Variants in CIZ1 observed in about 807,000 individuals in gnomAD.
CIZ1 encodes CDKN1A interacting zinc finger protein 1.
In CIZ1, 58 loss-of-function variants were observed where a neutral mutation model predicts 118.6. That is an observed-to-expected ratio of 0.49 (90% confidence interval 0.40 to 0.61). CIZ1 has a LOEUF of 0.61. Ranked by LOEUF, CIZ1 falls within the 20% of genes least tolerant of loss-of-function variation. The pLI, the probability that CIZ1 is intolerant of heterozygous loss-of-function variation, is 0.00. For missense variants in CIZ1, 921 were observed against 1,115.9 expected (o/e 0.83, Z 2.49); for synonymous variants, 448 against 443.4 (o/e 1.01, Z -0.13).
rs1487171973 is a variant in CIZ1, at chr9:128,203,170, T to C, written c.-6+1016A>G. On this transcript the variant is annotated intron_variant, in intron 1 of 17. Coordinates refer to the CIZ1 transcript ENST00000372948. The surrounding 1 kb of genome is among the most constrained non-coding windows in gnomAD (Gnocchi z 5.3). ...GTACTAGGAGTGAGACCCAACCCAT[T>C]GACAAATATATTCTGCGCAGCATCC... Among the ~76,000 whole-genome samples, 1 of 152,042 alleles carries C rather than the reference T, an allele frequency of 6.6e-6. No individual in the cohort carries two copies. The highest frequency in any genetic ancestry group is 1.5e-5 in the Non-Finnish European group (1 of 67,986).
chr9:128,180,698 G>C lies in CIZ1; in HGVS notation c.682+23C>G, dbSNP rs558532463. On this transcript the variant is annotated intron_variant, in intron 6 of 16. Transcript: ENST00000372938. ...CCACCCCATTCATGTCCCTCTGAAG[G>C]GCCAGCAGCCTCCCTCCCTCACCTT... The C allele has an allele frequency of 8.3e-6, 13 of 1,567,966 alleles. No homozygotes were observed. In the South Asian group the frequency reaches 1.5e-4, roughly 17 times the overall value.
At chr9:128,172,397 G>T (rs1812655630) in intron 11 of CIZ1, among the ~76,000 whole-genome samples, 1 of 152,064 alleles carries the variant, frequency 6.6e-6, no homozygotes, top group African/African-American at 2.4e-5. Flanking sequence ...AGGAGGCTGA[G>T]GCGGGAGAAT....
At chr9:128,177,502 G>T (rs1831007468) in intron 10 of CIZ1, 64 bp downstream of exon 10, 1 of 1,169,086 alleles carries the variant, frequency 8.6e-7, no homozygotes, top group Non-Finnish European at 1.1e-6. Flanking sequence ...GCATTCTTGG[G>T]AGGGCAGGCT....
intron 5 of CIZ1, 51 bp downstream of exon 5, chr9:128,185,496 C>G: frequency 7.9e-7 from 1 of 1,271,414 alleles, no homozygotes; most frequent in Non-Finnish European, 1.1e-6. Context: ...GGCACTGGGG[C>G]TGACACCCAG....
chr9:128,194,659 A>C (rs181271566), upstream of CIZ1, among the ~76,000 whole-genome samples: 2 of 152,160 alleles, frequency 1.3e-5, no homozygotes, highest in East Asian at 3.9e-4. Context: ...TCTACTAAAA[A>C]TACAAAAAAT....
rs1433077163 is a variant in CIZ1 at position 128,173,302 on chromosome 9, G to A, written c.1943+3049C>T. On this transcript the variant is annotated intron_variant, in intron 11 of 16. Transcript: ENST00000372938. ...TGGGACTACAGGCGCCTGCCACCAC[G>A]CCCGGCTAATTTTTTGTATTTTTTA... is the stretch of plus-strand genomic sequence containing the variant. 2.6e-5 allele frequency among the ~76,000 whole-genome samples: 4 copies of A among 151,884 alleles called. 1 individual carries two copies. Among genetic ancestry groups the A allele is most frequent in the South Asian group, 2.1e-4 (1 of 4,818 alleles).
intron 11 of CIZ1, among the ~76,000 whole-genome samples, chr9:128,173,733 A>G (rs755023823): frequency 2.9e-4 from 43 of 150,792 alleles, no homozygotes; most frequent in Admixed American, 7.3e-4. Context: ...CGGGCCGGGC[A>G]TGGTGGCTTG....
In CIZ1 at chr9:128,166,219, C is replaced by T. The variant is rs1375541849; in HGVS notation, c.2675G>A (p.Arg892His). The change falls in exon 17 of 17, where the codon CGC (arginine) becomes CAC (histidine). Residue 892 changes from arginine (R) to histidine (H), a missense_variant. Transcript: ENST00000372938. The surrounding 1 kb of genome is among the most constrained non-coding windows in gnomAD (Gnocchi z 4.4). ...CTATCAGGTTTTGAGGCGGGTTGAG[C>T]GCCGAGGTAGTGGGGGCTGGGAGGG... ...ARPSQPPLPR[R>H]STRLKT 2.1e-6 allele frequency: 3 copies of T among 1,453,394 alleles called. No individual in the cohort carries two copies. Among genetic ancestry groups the T allele is most frequent in the South Asian group, 1.4e-5 (1 of 73,836 alleles). The allele number at this position is 1,453,394 out of a possible 1,614,324, so 90.0% of individuals were successfully genotyped here. A position where few individuals can be genotyped will look rare whatever the true frequency, so the allele number is the denominator to read the frequency against.
chr9:128,195,358 T>A (rs1012706790), upstream of CIZ1, among the ~76,000 whole-genome samples: 4 of 152,172 alleles, frequency 2.6e-5, no homozygotes, highest in Non-Finnish European at 4.4e-5. Flanking sequence ...TGTTCTGTCA[T>A]CCACGCTGGA....
intron 1 of CIZ1, among the ~76,000 whole-genome samples, chr9:128,201,157 A>T (rs1588288133): frequency 6.6e-6 from 1 of 151,882 alleles, no homozygotes; most frequent in African/African-American, 2.4e-5. Flanking sequence ...AGTCCCAGCT[A>T]CTTGGGAGGC....
rs542178318 is a variant in CIZ1, at chr9:128,191,340, T to A, written c.-6+92A>T. The A allele has an allele frequency of 6.8e-5, 28 of 412,432 alleles. No individual in the cohort carries two copies. The South Asian group carries it at 2.4e-3, about 36-fold the overall frequency. 25.5% of individuals were successfully genotyped at this position (412,432 alleles called of 1,614,324 possible). A position where few individuals can be genotyped will look rare whatever the true frequency, so the allele number is the denominator to read the frequency against. On this transcript the variant is annotated intron_variant, in intron 1 of 16. Coordinates refer to ENST00000372938, the MANE Select transcript of CIZ1 (RefSeq NM_001131016.2). The surrounding 1 kb of genome is among the most constrained non-coding windows in gnomAD (Gnocchi z 5.5). ...CCACCGCCACCTCCTCGCGCCCCAC[T>A]CCGCCCGCTCCCACCCCGCCAGCCG...
At chr9:128,202,401 C>T (rs902308827) in intron 1 of CIZ1, among the ~76,000 whole-genome samples, 5 of 152,172 alleles carry the variant, frequency 3.3e-5, no homozygotes, top group African/African-American at 7.2e-5. Context: ...TGTAGGAGCC[C>T]TGGATTTGAA....
chr9:128,194,053 AT>A (rs1489860795), upstream of CIZ1, among the ~76,000 whole-genome samples: 2 of 152,070 alleles, frequency 1.3e-5, no homozygotes, highest in Non-Finnish European at 2.9e-5. Flanking sequence ...CTGGGAAGCA[AT>A]TTGCAAATTT....
chr9:128,188,543 C>T (rs922537621), intron 3 of CIZ1, among the ~76,000 whole-genome samples: 21 of 152,196 alleles, frequency 1.4e-4, no homozygotes, highest in African/African-American at 3.9e-4. Flanking sequence ...GAACTCCTGG[C>T]CTCAAGCAAA....
chr9:128,177,467 G>A (rs1831003260), intron 10 of CIZ1, 99 bp downstream of exon 10: 2 of 781,726 alleles, frequency 2.6e-6, no homozygotes, highest in Admixed American at 6.6e-5. Flanking sequence ...ATGGCTGCTT[G>A]GGGCAGGGCC....
chr9:128,180,257 G>A (rs776156070), intron 7 of CIZ1, among the ~76,000 whole-genome samples, 158 bp downstream of exon 7: 11 of 152,210 alleles, frequency 7.2e-5, no homozygotes, highest in African/African-American at 1.9e-4. Context: ...GGTCAGGTGC[G>A]GAAATAAGTA....
At chr9:128,173,328 G>A (rs1232493582) in intron 11 of CIZ1, among the ~76,000 whole-genome samples, 1 of 151,774 alleles carries the variant, frequency 6.6e-6, no homozygotes, top group African/African-American at 2.4e-5. Context: ...GTATTTTTTA[G>A]TAGAGACGGG....
In CIZ1 at chr9:128,185,790, G is replaced by A; in HGVS notation, c.359-14C>T. The A allele has an allele frequency of 6.3e-7, 1 of 1,591,944 alleles. No homozygotes were observed. Among genetic ancestry groups the A allele is most frequent in the South Asian group, 1.1e-5 (1 of 90,336 alleles). ...CTCGGAGGTTACCTGCAGGCAAGAA[G>A]ACAGGAGAAGAGGGGTCACAATGTG... is the stretch of plus-strand genomic sequence containing the variant. On this transcript the variant is annotated splice_polypyrimidine_tract_variant and intron_variant, in intron 4 of 16. Coordinates refer to ENST00000372938, the MANE Select transcript of CIZ1 (RefSeq NM_001131016.2).
intron 1 of CIZ1, among the ~76,000 whole-genome samples, chr9:128,199,234 G>T (rs1322787868): frequency 1.3e-5 from 2 of 152,034 alleles, no homozygotes; most frequent in East Asian, 3.9e-4. Context: ...TGGGCATAAT[G>T]GTGGGCACCT....
Sources: gnomAD v4.1 joint callset for allele counts (sites outside exome capture counted in the v4.1 genomes callset) on GRCh38, gnomAD v4.1.1 for gene constraint, Gnocchi (gnomAD v3.1) non-coding constraint, MANE v1.5 for transcripts, NCBI Gene and HGNC (gene_info 2026-07-23, HGNC 2026-07-21) for gene names.